ZFHX3: variants seen among roughly 807,000 people sequenced by gnomAD.
The protein encoded by ZFHX3 is zinc finger homeobox protein 3.
A neutral mutation model predicts 279.1 loss-of-function variants in ZFHX3; 42 were observed. The ratio of observed to expected loss-of-function variants is 0.15; its 90% confidence interval spans 0.12 to 0.19. The LOEUF is 0.19. ZFHX3 is among the 10% of genes least tolerant of loss of function. ZFHX3 has a pLI of 1.00. For missense variants in ZFHX3, 4,981 were observed against 4,754.0 expected (o/e 1.05, Z -1.40); for synonymous variants, 2,293 against 1,957.8 (o/e 1.17, Z -4.52).
exon 1 of ZFHX3, chr16:73,058,931 G>GGCT: frequency 5.9e-6 from 1 of 170,872 alleles, no homozygotes; most frequent in Non-Finnish European, 1.2e-5. Flanking sequence ...CGGCGGCGGC[G>GGCT]GCTGCGGCCG....
intron 3 of ZFHX3, among the ~76,000 whole-genome samples, chr16:73,418,962 C>T (rs1422775882): frequency 6.6e-6 from 1 of 152,142 alleles, no homozygotes; most frequent in African/African-American, 2.4e-5. Context: ...CCTGAAATCT[C>T]GTGGAAGATT....
intron 2 of ZFHX3, among the ~76,000 whole-genome samples, chr16:73,658,870 G>T (rs2052750136): frequency 6.6e-6 from 1 of 151,884 alleles, no homozygotes; most frequent in African/African-American, 2.4e-5. Flanking sequence ...TCCAATTTTG[G>T]TATTACCATT....
chr16:73,406,033 G>A (rs902810043), intron 3 of ZFHX3, among the ~76,000 whole-genome samples: 14 of 152,230 alleles, frequency 9.2e-5, no homozygotes, highest in African/African-American at 1.9e-4. Context: ...GGCACACGCC[G>A]GGTAGAGGGA....
intron 1 of ZFHX3, chr16:73,015,564 T>C (rs1429236429): frequency 6.6e-6 from 1 of 152,196 alleles, no homozygotes; most frequent in Non-Finnish European, 1.5e-5. Flanking sequence ...TCAAGAAGAA[T>C]CCCTGGATCC....
chr16:72,896,446 C>G (rs192673501), intron 3 of ZFHX3, among the ~76,000 whole-genome samples: 2 of 152,234 alleles, frequency 1.3e-5, no homozygotes, highest in Admixed American at 1.3e-4. Context: ...AGAGGCACCT[C>G]GGATAAAGGG....
intron 4 of ZFHX3, among the ~76,000 whole-genome samples, chr16:72,845,837 T>C (rs2037466193): frequency 1.3e-5 from 2 of 152,192 alleles, no homozygotes; most frequent in South Asian, 4.1e-4. Context: ...CTGAAGTAGA[T>C]AGTATTAGGA....
intron 3 of ZFHX3, among the ~76,000 whole-genome samples, chr16:73,372,786 C>A (rs1297095267): frequency 6.6e-6 from 1 of 152,144 alleles, no homozygotes; most frequent in African/African-American, 2.4e-5. Flanking sequence ...GGCTTAGGGG[C>A]ATTTCTTTAG....
intron 1 of ZFHX3, among the ~76,000 whole-genome samples, chr16:73,872,268 G>A (rs920276506): frequency 6.6e-6 from 1 of 151,182 alleles, no homozygotes; most frequent in African/African-American, 2.4e-5. Flanking sequence ...CTTTGAGACA[G>A]TCTCATTTTG....
chr16:73,405,657 C>T (rs1223457810), intron 3 of ZFHX3, among the ~76,000 whole-genome samples: 1 of 151,756 alleles, frequency 6.6e-6, no homozygotes, highest in African/African-American at 2.4e-5. Context: ...GGGCCCTGCA[C>T]ATCACGTATG....
intron 2 of ZFHX3, among the ~76,000 whole-genome samples, chr16:73,468,733 G>GGGAGAAAAGATTTGGGA (rs374012695): frequency 1.2e-4 from 19 of 152,134 alleles, no homozygotes; most frequent in Non-Finnish European, 1.5e-4. Flanking sequence ...TATGAAAAAA[G>GGGAGAAAAGATTTGGGA]GGAGAAAAGA....
In ZFHX3 at chr16:72,950,853, G is replaced by T; in HGVS notation, c.2832C>A (p.Leu944=). 1 of 1,614,160 alleles carries T rather than the reference G, an allele frequency of 6.2e-7. No individual in the cohort carries two copies. The highest frequency in any genetic ancestry group is 8.5e-7 in the Non-Finnish European group (1 of 1,180,056). Residue 944 remains leucine, a synonymous_variant, in exon 3 of 10, where the codon CTC becomes CTA. Coordinates refer to ENST00000268489, the MANE Select transcript of ZFHX3 (RefSeq NM_006885.4). ...FIQTNDPSLK[L]FQCAVCNKFT... is the part of the protein sequence containing the mutation. ...ACTTGTTGCAGACGGCGCACTGGAA[G>T]AGCTTCAGCGACGGGTCGTTGGTCT...
chr16:73,565,768 T>C (rs1465233224), intron 2 of ZFHX3, among the ~76,000 whole-genome samples: 1 of 152,186 alleles, frequency 6.6e-6, no homozygotes, highest in Non-Finnish European at 1.5e-5. Flanking sequence ...GAATTCTCAA[T>C]AGGGCTTCCA....
Position 73,090,771 on chromosome 16 carries a change from T to G in ZFHX3, c.-533+2464A>C, listed in dbSNP as rs552675933. Among the ~76,000 whole-genome samples, 6 of 149,512 alleles carry G rather than the reference T, an allele frequency of 4.0e-5. No individual in the cohort carries two copies. In the South Asian group the frequency reaches 1.3e-3, roughly 32 times the overall value. ...AAAAACATACAAAACATTAGCCAGG[T>G]GTACTGGTGTGCATCTGTAGTCCTA... On this transcript the variant is annotated intron_variant, in intron 8 of 17. Coordinates refer to the ZFHX3 transcript ENST00000641206.
chr16:73,063,724 A>T (rs1024632773), upstream of ZFHX3, among the ~76,000 whole-genome samples: 12 of 152,326 alleles, frequency 7.9e-5, no homozygotes, highest in African/African-American at 2.6e-4. Context: ...GGGGATGTAC[A>T]CAGTGGTGCC....
Position 72,797,327 on chromosome 16 carries a change from C to A in ZFHX3, c.5355G>T (p.Glu1785Asp). Residue 1785 changes from glutamate (E) to aspartate (D), a missense_variant, in exon 9 of 10, where the codon GAG becomes GAT. Around this residue, in one of 7 missense-constraint regions of ZFHX3, gnomAD observed 1,751 missense variants for 1,770.0 expected, o/e 0.99. Transcript: ENST00000268489. The part of the protein sequence containing the change: ...TLLPHFPMTT[E>D]TLLQLQQQQH... ...GCTGCTGCTGTAGTTGCAGCAGGGT[C>A]TCAGTTGTCATGGGGAAGTGAGGAA... 1 of 1,603,170 alleles carries A rather than the reference C, an allele frequency of 6.2e-7. No individual in the cohort carries two copies. Among genetic ancestry groups the A allele is most frequent in the Non-Finnish European group, 8.5e-7 (1 of 1,174,072 alleles).
chr16:73,790,161 G>C (rs1392868311), intron 1 of ZFHX3, among the ~76,000 whole-genome samples: 2 of 151,966 alleles, frequency 1.3e-5, no homozygotes, highest in African/African-American at 4.8e-5. Context: ...GTTAAAAATA[G>C]TAACAAAAAA....
intron 3 of ZFHX3, among the ~76,000 whole-genome samples, chr16:73,403,999 A>G (rs2017309148): frequency 6.6e-6 from 1 of 152,186 alleles, no homozygotes; most frequent in African/African-American, 2.4e-5. Context: ...TTTTAAGGGT[A>G]GGAGTCCCTT....
At chr16:73,172,837 C>A (rs528328311) in intron 5 of ZFHX3, among the ~76,000 whole-genome samples, 1 of 151,848 alleles carries the variant, frequency 6.6e-6, no homozygotes, top group South Asian at 2.1e-4. Flanking sequence ...CATTGACAGT[C>A]GCCCTAAAAC....
intron 1 of ZFHX3, among the ~76,000 whole-genome samples, chr16:73,057,863 C>T (rs973411217): frequency 4.7e-5 from 7 of 149,896 alleles, no homozygotes; most frequent in Non-Finnish European, 7.4e-5. Flanking sequence ...GCCCGGCCAG[C>T]GGTGGCGGCC....
Sources: allele counts gnomAD v4.1 joint callset (sites outside exome capture counted in the v4.1 genomes callset), GRCh38; gene constraint gnomAD v4.1.1; regional missense constraint gnomAD v4.1.1; transcripts MANE v1.5; gene names NCBI Gene and HGNC (gene_info 2026-07-23, HGNC 2026-07-21).